Variants in ANO2 observed in about 807,000 individuals in gnomAD.
The protein encoded by ANO2 is anoctamin-2.
ANO2 carries 101 observed loss-of-function variants against 124.2 expected under a neutral mutation model. That is an observed-to-expected ratio of 0.81 (90% CI 0.69 to 0.96). The LOEUF (loss-of-function observed/expected upper bound fraction) is 0.96, where lower values mean the gene tolerates loss of function less well. Among genes scored for constraint, ANO2 ranks in the 40% least tolerant of loss-of-function variants. The pLI is 0.00. For missense variants in ANO2, 1,293 were observed against 1,274.5 expected (o/e 1.01, Z -0.22); for synonymous variants, 486 against 482.5 (o/e 1.01, Z -0.09).
At chr12:5,749,266 G>T (rs945404556) in intron 11 of ANO2, among the ~76,000 whole-genome samples, 1 of 152,180 alleles carries the variant, frequency 6.6e-6, no homozygotes, top group African/African-American at 2.4e-5. Context: ...GATCCGCCCA[G>T]TGTCCTCATC....
chr12:5,911,891 T>A (rs1270584208), intron 3 of ANO2, among the ~76,000 whole-genome samples: 2 of 152,204 alleles, frequency 1.3e-5, no homozygotes, highest in African/African-American at 4.8e-5. Context: ...TATGATCCCA[T>A]CTTCTCACAC....
At chr12:5,709,633 T>C (rs1304397425) in intron 14 of ANO2, among the ~76,000 whole-genome samples, 2 of 152,206 alleles carry the variant, frequency 1.3e-5, no homozygotes, top group Non-Finnish European at 1.5e-5. Context: ...CCCCTTAGGC[T>C]TCCCCAGCTC....
At chr12:5,944,700 G>C (rs1943025208) in intron 1 of ANO2, among the ~76,000 whole-genome samples, 1 of 152,140 alleles carries the variant, frequency 6.6e-6, no homozygotes, top group Admixed American at 6.5e-5. Flanking sequence ...GCGGTTTTGG[G>C]TAAGACACTG....
At chr12:5,889,844 G>C (rs115873184) in intron 3 of ANO2, among the ~76,000 whole-genome samples, 1 of 152,112 alleles carries the variant, frequency 6.6e-6, no homozygotes, top group Non-Finnish European at 1.5e-5. Flanking sequence ...GAAGCACCCC[G>C]TCCAAGACCC....
At chr12:5,819,867 T>A (rs1292406770) in intron 7 of ANO2, among the ~76,000 whole-genome samples, 1 of 152,044 alleles carries the variant, frequency 6.6e-6, no homozygotes, top group African/African-American at 2.4e-5. Flanking sequence ...CACTCAACCA[T>A]CAAAGGCAAG....
At chr12:5,806,371 C>T (rs1953193029) in intron 8 of ANO2, among the ~76,000 whole-genome samples, 1 of 152,316 alleles carries the variant, frequency 6.6e-6, no homozygotes, top group East Asian at 1.9e-4. Context: ...AATGGCAGAG[C>T]TCCAGACTTT....
intron 23 of ANO2, among the ~76,000 whole-genome samples, chr12:5,567,183 G>T (rs566467844): frequency 5.4e-4 from 82 of 152,284 alleles, no homozygotes; most frequent in Admixed American, 1.4e-3. Context: ...CCCAACAGCT[G>T]ATCACAGCTG....
At chr12:5,824,197 T>C (rs4764520) in intron 7 of ANO2, among the ~76,000 whole-genome samples, 89,621 of 152,120 alleles carry the variant, frequency 0.59, 26,742 homozygotes, top group East Asian at 0.7. Context: ...TTGCTACTTA[T>C]GCAAATTTCT....
intron 20 of ANO2, among the ~76,000 whole-genome samples, chr12:5,587,379 T>C (rs1176816350): frequency 6.6e-6 from 1 of 152,202 alleles, no homozygotes; most frequent in Non-Finnish European, 1.5e-5. Context: ...TCTTCCGGGA[T>C]TAAACTTGGG....
At chr12:5,704,830 G>A (rs1399352686) in intron 14 of ANO2, among the ~76,000 whole-genome samples, 1 of 152,076 alleles carries the variant, frequency 6.6e-6, no homozygotes. Context: ...AGATATGAAG[G>A]AACTGCATGC....
At chr12:5,744,899 A>G (rs1951221871) in intron 11 of ANO2, among the ~76,000 whole-genome samples, 1 of 152,204 alleles carries the variant, frequency 6.6e-6, no homozygotes, top group Admixed American at 6.5e-5. Context: ...TGAGCTGGAG[A>G]GCCACTTGTA....
At chr12:5,782,926 T>C (rs1952442655) in intron 10 of ANO2, among the ~76,000 whole-genome samples, 1 of 152,248 alleles carries the variant, frequency 6.6e-6, no homozygotes. Flanking sequence ...GATCACAGAA[T>C]GCCACATCTG....
chr12:5,568,460 GA>G (rs1941913643), intron 23 of ANO2, among the ~76,000 whole-genome samples: 1 of 152,016 alleles, frequency 6.6e-6, no homozygotes. Flanking sequence ...ATTCACTAAT[GA>G]ACCATGACTC....
chr12:5,646,625 G>A (rs1347233449), intron 15 of ANO2, among the ~76,000 whole-genome samples: 1 of 152,116 alleles, frequency 6.6e-6, no homozygotes. Flanking sequence ...GCTTTGAAGT[G>A]CTAAATTAAA....
chr12:5,860,649 C>T (rs190284687), intron 3 of ANO2, among the ~76,000 whole-genome samples: 18 of 152,290 alleles, frequency 1.2e-4, no homozygotes, highest in African/African-American at 4.3e-4. Context: ...AAGTGTCATT[C>T]TTGAATGTGT....
chr12:5,775,343 C>T (rs1285703440), intron 10 of ANO2, among the ~76,000 whole-genome samples: 1 of 152,044 alleles, frequency 6.6e-6, no homozygotes, highest in African/African-American at 2.4e-5. Flanking sequence ...CTCATCTTAA[C>T]CCAAAAGGTC....
chr12:5,744,018 G>A, intron 12 of ANO2, 139 bp downstream of exon 12: 1 of 980,430 alleles, frequency 1.0e-6, no homozygotes, highest in Non-Finnish European at 1.5e-6. Flanking sequence ...AAAGAAAAGT[G>A]TCATCCTTAA....
chr12:5,718,919 G>A (rs576969749), intron 14 of ANO2, among the ~76,000 whole-genome samples: 9 of 152,284 alleles, frequency 5.9e-5, no homozygotes, highest in Non-Finnish European at 1.0e-4. Flanking sequence ...AGGACCTGGC[G>A]CTGGGCCACC....
chr12:5,628,431 C>T (rs148211437), intron 16 of ANO2, among the ~76,000 whole-genome samples: 428 of 152,334 alleles, frequency 2.8e-3, no homozygotes, highest in African/African-American at 9.4e-3. Flanking sequence ...GGAACAAGGA[C>T]AGCTACATAT....
Sources: allele counts gnomAD v4.1 joint callset (sites outside exome capture counted in the v4.1 genomes callset), GRCh38; gene constraint gnomAD v4.1.1; transcripts MANE v1.5; gene names NCBI Gene and HGNC (gene_info 2026-07-23, HGNC 2026-07-21).